The following TENM3 variants were observed in gnomAD, a reference collection of about 807,000 sequenced individuals.
The protein encoded by TENM3 is teneurin transmembrane protein 3.
In TENM3, 63 loss-of-function variants were observed where a neutral mutation model predicts 255.1. The observed-to-expected ratio is 0.25, with a 90% CI of 0.20 to 0.30. The LOEUF (loss-of-function observed/expected upper bound fraction) is 0.30. TENM3 is among the 10% of genes least tolerant of loss of function. TENM3 has a pLI of 1.00. For synonymous variants in TENM3, 1,306 were observed against 1,322.3 expected (o/e 0.99, Z 0.27); for missense variants, 2,929 against 3,461.1 (o/e 0.85, Z 3.86).
chr4:181,564,705 A>G, the TENM3 span, among the ~76,000 whole-genome samples: 1 of 152,210 alleles, frequency 6.6e-6, no homozygotes, highest in Non-Finnish European at 1.5e-5. Flanking sequence ...TGTTACTGAA[A>G]GAGTTCATAG....
At chr4:181,693,139 TG>T in the TENM3 span, among the ~76,000 whole-genome samples, 1 of 152,202 alleles carries the variant, frequency 6.6e-6, no homozygotes, top group African/African-American at 2.4e-5. Flanking sequence ...CATAAACAAC[TG>T]GTTCTTACAT....
chr4:182,190,241 C>A (rs528854325), intron 1 of TENM3: 1 of 152,284 alleles, frequency 6.6e-6, no homozygotes, highest in South Asian at 2.1e-4. Flanking sequence ...CTCAACAAAG[C>A]TTTCCTAAAT....
At chr4:182,220,215 A>G (rs111564300) in intron 1 of TENM3, among the ~76,000 whole-genome samples, 1,839 of 151,992 alleles carry the variant, frequency 0.012, 30 homozygotes, top group African/African-American at 0.042. Flanking sequence ...TGTCTCTACT[A>G]AAAATACAAA....
the TENM3 span, among the ~76,000 whole-genome samples, chr4:181,916,029 T>C: frequency 6.6e-6 from 1 of 152,148 alleles, no homozygotes; most frequent in Non-Finnish European, 1.5e-5. Context: ...AAAATCCGTA[T>C]CAGGCCCCTT....
the TENM3 span, among the ~76,000 whole-genome samples, chr4:181,672,510 C>T: frequency 5.3e-5 from 8 of 151,442 alleles, no homozygotes; most frequent in South Asian, 2.1e-4. Context: ...ATCCTTGGAA[C>T]GGCACTTAGT....
chr4:182,108,246 T>C, the TENM3 span, among the ~76,000 whole-genome samples: 4 of 152,218 alleles, frequency 2.6e-5, no homozygotes, highest in Non-Finnish European at 5.9e-5. Flanking sequence ...CTGGAAGTTA[T>C]AGAAAACGTT....
chr4:181,670,165 CT>C, the TENM3 span, among the ~76,000 whole-genome samples: 3 of 152,064 alleles, frequency 2.0e-5, no homozygotes, highest in Admixed American at 6.6e-5. Flanking sequence ...TTGATTAATA[CT>C]TTGGAATGAA....
At chr4:181,825,855 A>G in the TENM3 span, among the ~76,000 whole-genome samples, 1 of 152,178 alleles carries the variant, frequency 6.6e-6, no homozygotes, top group Non-Finnish European at 1.5e-5. Context: ...ACTCAATGAA[A>G]AAACCAATTC....
intron 3 of TENM3, among the ~76,000 whole-genome samples, chr4:182,405,760 T>C (rs1769525177): frequency 6.6e-6 from 1 of 152,102 alleles, no homozygotes; most frequent in Non-Finnish European, 1.5e-5. Context: ...AGTGAAATAC[T>C]GATGAGTATG....
intron 3 of TENM3, chr4:182,449,170 C>T: frequency 6.1e-6 from 1 of 163,074 alleles, no homozygotes; most frequent in Non-Finnish European, 1.2e-5. Context: ...CAGGGTCGCT[C>T]GCTCGCTCCG....
chr4:182,377,812 T>G (rs1218368284), intron 3 of TENM3, among the ~76,000 whole-genome samples: 2 of 152,200 alleles, frequency 1.3e-5, no homozygotes, highest in African/African-American at 2.4e-5. Flanking sequence ...TGCTAGCACG[T>G]TATCCTAGAC....
At chr4:181,552,689 C>A in the TENM3 span, among the ~76,000 whole-genome samples, 1 of 152,082 alleles carries the variant, frequency 6.6e-6, no homozygotes, top group South Asian at 2.1e-4. Context: ...TTATGTTCTT[C>A]TGGGTGGTTG....
intron 3 of TENM3, among the ~76,000 whole-genome samples, chr4:182,404,523 A>G (rs754072182): frequency 5.9e-5 from 9 of 152,306 alleles, no homozygotes; most frequent in East Asian, 5.8e-4. Context: ...TTGACAGTGT[A>G]TGCCTAATCA....
chr4:182,792,361 G>A lies in TENM3; in HGVS notation c.5689G>A (p.Val1897Met). The A allele has an allele frequency of 6.2e-7, 1 of 1,614,032 alleles. No homozygotes were observed. The highest frequency in any genetic ancestry group is 8.5e-7 in the Non-Finnish European group (1 of 1,179,908). Residue 1897 changes from valine to methionine, a missense_variant, in exon 26 of 28, where the codon GTG becomes ATG. This residue lies in a region of TENM3 where 303 missense variants were observed against 425.2 expected (regional missense o/e 0.71). Transcript: ENST00000511685. This position sits in a 1 kb window ranked among gnomAD's most constrained non-coding sequence, Gnocchi z 6.3. ...DRLSAITMPS[V>M]ARHTMQTIRS... The stretch of plus-strand genomic sequence containing the variant: ...CCTGTCTGCCATCACCATGCCCAGT[G>A]TGGCTCGCCACACCATGCAGACCAT...
At chr4:181,584,474 A>G in the TENM3 span, among the ~76,000 whole-genome samples, 1 of 152,180 alleles carries the variant, frequency 6.6e-6, no homozygotes, top group South Asian at 2.1e-4. Context: ...CAGCTATATC[A>G]TAACTTTTTA....
chr4:181,976,466 G>A, the TENM3 span: 2 of 152,192 alleles, frequency 1.3e-5, no homozygotes, highest in Non-Finnish European at 2.9e-5. Flanking sequence ...TTGTGAATAT[G>A]AGACCCGATC....
In TENM3 at chr4:182,724,676, C is replaced by T. The variant is rs183411204; in HGVS notation, c.2369-4289C>T. Among the ~76,000 whole-genome samples, 9 of 152,326 alleles carry T rather than the reference C, an allele frequency of 5.9e-5. No homozygotes were observed. The East Asian group carries it at 1.7e-3, about 29-fold the overall frequency. On this transcript the variant is annotated intron_variant, in intron 13 of 27. Coordinates refer to ENST00000511685, the MANE Select transcript of TENM3 (RefSeq NM_001080477.4). ...AGATGAATGACTAAATTTGAGCATT[C>T]CTCTTTGGCAACTGTACCATCTATT...
intron 16 of TENM3, among the ~76,000 whole-genome samples, chr4:182,732,268 AT>A (rs1258151842): frequency 6.6e-6 from 1 of 152,222 alleles, no homozygotes; most frequent in African/African-American, 2.4e-5. Context: ...CTTGACTGAC[AT>A]TGTACCAAGT....
At chr4:182,259,499 G>A (rs1758642404) in intron 1 of TENM3, among the ~76,000 whole-genome samples, 1 of 151,980 alleles carries the variant, frequency 6.6e-6, no homozygotes, top group Non-Finnish European at 1.5e-5. Flanking sequence ...TTTTTGTAGA[G>A]ACAGGGTCTG....
Sources: allele counts gnomAD v4.1 joint callset (sites outside exome capture counted in the v4.1 genomes callset), GRCh38; gene constraint gnomAD v4.1.1; regional missense constraint gnomAD v4.1.1; non-coding constraint Gnocchi (gnomAD v3.1); transcripts MANE v1.5; gene names NCBI Gene and HGNC (gene_info 2026-07-23, HGNC 2026-07-21).